Variants in SLCO2A1 observed in about 807,000 individuals in gnomAD.
The protein encoded by SLCO2A1 is solute carrier organic anion transporter family member 2A1.
A neutral mutation model predicts 71.7 loss-of-function variants in SLCO2A1; 60 were observed. That is an observed-to-expected ratio of 0.84 (90% CI 0.68 to 1.04). SLCO2A1 has a LOEUF of 1.04. Ranked by LOEUF, SLCO2A1 falls within the 50% of genes least tolerant of loss-of-function variation. SLCO2A1 has a pLI of 0.00. For missense variants in SLCO2A1, 745 were observed against 813.4 expected (o/e 0.92, Z 1.02); for synonymous variants, 308 against 326.7 (o/e 0.94, Z 0.62).
intron 8 of SLCO2A1, 90 bp from the exon 9 acceptor site, chr3:133,947,535 G>A: frequency 9.0e-7 from 1 of 1,110,430 alleles, no homozygotes; most frequent in Non-Finnish European, 1.3e-6. Flanking sequence ...TGAGAAGGAA[G>A]CATGGCTTCA....
intron 1 of SLCO2A1, chr3:133,998,529 A>G: frequency 6.6e-6 from 1 of 152,280 alleles, no homozygotes; most frequent in East Asian, 1.9e-4. Context: ...GAGGGTTCTG[A>G]CTGTTCATGT....
intron 11 of SLCO2A1, among the ~76,000 whole-genome samples, chr3:133,941,796 C>G (rs1395110684): frequency 1.3e-5 from 2 of 152,138 alleles, no homozygotes; most frequent in Non-Finnish European, 2.9e-5. Flanking sequence ...AGCCCTCACT[C>G]TGACTCTGAA....
chr3:133,941,491 G>A (rs1235811720), intron 11 of SLCO2A1, among the ~76,000 whole-genome samples: 1 of 152,008 alleles, frequency 6.6e-6, no homozygotes, highest in African/African-American at 2.4e-5. Context: ...GGCACCGGGA[G>A]TCCAAATCCT....
chr3:133,972,484 T>A (rs1271764232), intron 3 of SLCO2A1, among the ~76,000 whole-genome samples: 1 of 152,028 alleles, frequency 6.6e-6, no homozygotes, highest in African/African-American at 2.4e-5. Context: ...GGCAGAAAAT[T>A]TTTCAAAATT....
At chr3:133,998,475 A>G (rs1044492722) in intron 1 of SLCO2A1, among the ~76,000 whole-genome samples, 5 of 150,810 alleles carry the variant, frequency 3.3e-5, no homozygotes, top group Middle Eastern at 3.4e-3. Flanking sequence ...CTCTTTTCTC[A>G]TTCCCAGGCG....
chr3:133,960,311 T>A (rs1576435342), intron 3 of SLCO2A1, among the ~76,000 whole-genome samples: 1 of 152,164 alleles, frequency 6.6e-6, no homozygotes, highest in Non-Finnish European at 1.5e-5. Flanking sequence ...GCCCAAATAT[T>A]AATCAACAGA....
At chr3:133,935,278 G>A (rs1016996083) in intron 13 of SLCO2A1, among the ~76,000 whole-genome samples, 4 of 152,166 alleles carry the variant, frequency 2.6e-5, no homozygotes, top group African/African-American at 7.2e-5. Flanking sequence ...ATATGACAAC[G>A]GCAGCAGGTG....
intron 1 of SLCO2A1, among the ~76,000 whole-genome samples, chr3:133,994,354 G>T (rs890154089): frequency 2.0e-5 from 3 of 152,184 alleles, no homozygotes; most frequent in Non-Finnish European, 1.5e-5. Flanking sequence ...CCACCATGCT[G>T]CCTGGGGTGA....
intron 1 of SLCO2A1, among the ~76,000 whole-genome samples, chr3:133,986,937 CAGTGGCATCTAACCGTGGTT>C (rs1384482517): frequency 6.6e-6 from 1 of 152,202 alleles, no homozygotes; most frequent in Non-Finnish European, 1.5e-5. Flanking sequence ...TGTTAGGTCA[CAGTGGCATCTAACCGTGGTT>C]ATAGGAACAC....
At chr3:133,939,021 G>C in intron 11 of SLCO2A1, among the ~76,000 whole-genome samples, 1 of 152,124 alleles carries the variant, frequency 6.6e-6, no homozygotes, top group East Asian at 1.9e-4. Flanking sequence ...AGGCTTCTGT[G>C]CACAGCTAAA....
intron 1 of SLCO2A1, among the ~76,000 whole-genome samples, chr3:133,990,792 G>C (rs1271042829): frequency 2.0e-5 from 3 of 152,126 alleles, no homozygotes; most frequent in African/African-American, 7.2e-5. Context: ...GGTGACTCCT[G>C]GCTGCTTCCC....
intron 3 of SLCO2A1, among the ~76,000 whole-genome samples, chr3:133,962,335 C>T (rs13070964): frequency 0.095 from 14,514 of 152,222 alleles, 801 homozygotes; most frequent in Middle Eastern, 0.2. Context: ...CCTCCTCGGC[C>T]TCCCAAAGTG....
Position 133,933,041 on chromosome 3 carries a change from T to C in SLCO2A1, c.*1672A>G, listed in dbSNP as rs1390265577. The C allele has an allele frequency of 1.3e-5, 2 of 152,622 alleles. No homozygotes were observed. Among genetic ancestry groups the C allele is most frequent in the Non-Finnish European group, 2.9e-5 (2 of 68,036 alleles). The allele number at this position is 152,622 out of a possible 1,614,324, so 9.5% of individuals were successfully genotyped here. A position where few individuals can be genotyped will look rare whatever the true frequency, so the allele number is the denominator to read the frequency against. ...CAGTCTCATGGCATTGGACTTTGTTTGGACATTGACATAAATATTTTGGCA... is the reference window on the plus strand; with the variant it reads ...CAGTCTCATGGCATTGGACTTTGTTCGGACATTGACATAAATATTTTGGCA... On this transcript the variant is annotated 3_prime_UTR_variant, in exon 14 of 14. Coordinates refer to ENST00000310926, the MANE Select transcript of SLCO2A1 (RefSeq NM_005630.3).
chr3:133,934,964 T>C (rs537163732), intron 13 of SLCO2A1, 134 bp from the exon 14 acceptor site: 1 of 655,126 alleles, frequency 1.5e-6, no homozygotes, highest in African/African-American at 1.8e-5. Context: ...CAGGTGAGGA[T>C]CACTTTCCTC....
At chr3:133,967,927 A>AC (rs1160067897) in intron 3 of SLCO2A1, among the ~76,000 whole-genome samples, 4 of 36,086 alleles carry the variant, frequency 1.1e-4, no homozygotes, top group African/African-American at 4.8e-4. Flanking sequence ...CCACCTCCAT[A>AC]CCCCCCACAC....
At chr3:133,970,910 G>A (rs1934307571) in intron 3 of SLCO2A1, among the ~76,000 whole-genome samples, 1 of 152,264 alleles carries the variant, frequency 6.6e-6, no homozygotes, top group South Asian at 2.1e-4. Flanking sequence ...GGTCAAGGCT[G>A]GAACAGCACA....
rs190058124 is a variant in SLCO2A1, at chr3:134,014,230, T to C, written c.96+15477A>G. Among the ~76,000 whole-genome samples, 1,248 of 152,256 alleles carry C rather than the reference T, an allele frequency of 8.2e-3. 21 individuals are homozygous for C. The highest frequency in any genetic ancestry group is 0.029 in the African/African-American group (1,188 of 41,528). Reference sequence around the variant, plus strand: ...GGGGGTGGGAGACAGTGCCAAATGCTGACCAGACTGAGTGTTCCGAAGGTC... The same window carrying C: ...GGGGGTGGGAGACAGTGCCAAATGCCGACCAGACTGAGTGTTCCGAAGGTC... On this transcript the variant is annotated intron_variant, in intron 1 of 13. Transcript: ENST00000310926.
At chr3:133,942,953 C>A (rs1933468282) in intron 10 of SLCO2A1, among the ~76,000 whole-genome samples, 185 bp from the exon 11 acceptor site, 1 of 152,086 alleles carries the variant, frequency 6.6e-6, no homozygotes, top group Admixed American at 6.5e-5. Context: ...CCCAGGGGTC[C>A]CACCTCTGTC....
intron 3 of SLCO2A1, among the ~76,000 whole-genome samples, chr3:133,968,209 T>C (rs1303908974): frequency 6.8e-6 from 1 of 146,008 alleles, no homozygotes. Flanking sequence ...CTACCTCCCC[T>C]CCGCACCCAC....
Sources: allele counts gnomAD v4.1 joint callset (sites outside exome capture counted in the v4.1 genomes callset), GRCh38; gene constraint gnomAD v4.1.1; transcripts MANE v1.5; gene names NCBI Gene and HGNC (gene_info 2026-07-23, HGNC 2026-07-21).